CDK8: variants seen among roughly 807,000 people sequenced by gnomAD.
CDK8 encodes cyclin-dependent kinase 8.
A neutral mutation model predicts 71.5 loss-of-function variants in CDK8; 29 were observed. The observed-to-expected ratio is 0.41, with a 90% CI of 0.30 to 0.55. The LOEUF is 0.55. CDK8 is among the 20% of genes least tolerant of loss of function. CDK8 has a pLI of 0.37. For missense variants in CDK8, 288 were observed against 572.6 expected (o/e 0.50, Z 5.07); for synonymous variants, 161 against 192.1 (o/e 0.84, Z 1.34).
intron 1 of CDK8, among the ~76,000 whole-genome samples, chr13:26,309,947 G>C (rs1874211317): frequency 6.6e-6 from 1 of 152,060 alleles, no homozygotes; most frequent in Non-Finnish European, 1.5e-5. Flanking sequence ...GTAGAGATGG[G>C]GTTTCACCAT....
At chr13:26,326,410 T>C (rs755465445) in intron 1 of CDK8, among the ~76,000 whole-genome samples, 1 of 152,202 alleles carries the variant, frequency 6.6e-6, no homozygotes, top group Non-Finnish European at 1.5e-5. Context: ...CAAGTGCCTG[T>C]TAACAATTCA....
intron 1 of CDK8, among the ~76,000 whole-genome samples, chr13:26,318,045 A>G (rs1237098468): frequency 6.6e-6 from 1 of 152,058 alleles, no homozygotes; most frequent in Non-Finnish European, 1.5e-5. Context: ...AGGTGGACTA[A>G]GAAAAAAAAA....
chr13:26,361,822 G>C (rs1311719302), intron 4 of CDK8, among the ~76,000 whole-genome samples: 1 of 101,240 alleles, frequency 9.9e-6, no homozygotes, highest in African/African-American at 4.6e-5. Context: ...TTGAGACAGG[G>C]TGTCACTGTG....
chr13:26,259,545 A>G (rs1478770383), intron 1 of CDK8, among the ~76,000 whole-genome samples: 1 of 152,132 alleles, frequency 6.6e-6, no homozygotes, highest in East Asian at 1.9e-4. Context: ...CCTGGAACGC[A>G]CCCCTTGTGG....
intron 12 of CDK8, among the ~76,000 whole-genome samples, chr13:26,402,270 G>C (rs1041783711): frequency 6.6e-6 from 1 of 152,150 alleles, no homozygotes; most frequent in East Asian, 1.9e-4. Context: ...ACTCATATTT[G>C]ATCTGACCAC....
At chr13:26,304,768 C>T (rs570485491) in intron 1 of CDK8, among the ~76,000 whole-genome samples, 1 of 152,030 alleles carries the variant, frequency 6.6e-6, no homozygotes, top group African/African-American at 2.4e-5. Flanking sequence ...TCCCAAGTAG[C>T]TGGGACTACA....
In CDK8 at chr13:26,254,585, C is replaced by G. The variant is rs1871429112; in HGVS notation, c.-57C>G. The G allele has an allele frequency of 2.3e-3, 2,358 of 1,046,158 alleles. No homozygotes were observed. The highest frequency in any genetic ancestry group is 3.0e-3 in the Non-Finnish European group (2,119 of 713,228). The allele number at this position is 1,046,158 out of a possible 1,614,324, so 64.8% of individuals were successfully genotyped here. A position where few individuals can be genotyped will look rare whatever the true frequency, so the allele number is the denominator to read the frequency against. On this transcript the variant is annotated 5_prime_UTR_variant, in exon 1 of 13. Transcript: ENST00000381527. This position sits in a 1 kb window ranked among gnomAD's most constrained non-coding sequence, Gnocchi z 6.7. ...CTGCGGCTGCCCGTGCTTCCCCGGT[C>G]CCCACCCCTGCCCCCCGGCCCCCCG...
At chr13:26,362,245 T>G (rs1874180875) in intron 4 of CDK8, among the ~76,000 whole-genome samples, 2 of 151,574 alleles carry the variant, frequency 1.3e-5, no homozygotes, top group African/African-American at 4.9e-5. Context: ...GATGGATGGA[T>G]GGATGGATGG....
At chr13:26,374,510 A>G (rs1392486107) in intron 4 of CDK8, among the ~76,000 whole-genome samples, 1 of 152,184 alleles carries the variant, frequency 6.6e-6, no homozygotes, top group South Asian at 2.1e-4. Flanking sequence ...TAAAAGCTCT[A>G]TAAAAACACT....
In CDK8 at chr13:26,401,707, G is replaced by A. The variant is rs908927808; in HGVS notation, c.1269+83G>A. On this transcript the variant is annotated intron_variant, in intron 12 of 12. Transcript: ENST00000381527. The surrounding 1 kb of genome is among the most constrained non-coding windows in gnomAD (Gnocchi z 4.5). Reference sequence around the variant, plus strand: ...TCGTGGGAAAATGTGATTTAATTGAGAAATACTGACGTCTGTATACCCAGG... The same window carrying A: ...TCGTGGGAAAATGTGATTTAATTGAAAAATACTGACGTCTGTATACCCAGG... The A allele has an allele frequency of 7.9e-6, 11 of 1,388,894 alleles. No homozygotes were observed. The African/African-American group carries it at 1.6e-4, about 20-fold the overall frequency. 86.0% of individuals were successfully genotyped at this position (1,388,894 alleles called of 1,614,324 possible).
chr13:26,322,580 G>A (rs1593262958), intron 1 of CDK8, among the ~76,000 whole-genome samples: 1 of 152,170 alleles, frequency 6.6e-6, no homozygotes. Context: ...TTTAATTCAC[G>A]AGAAACACTC....
chr13:26,359,097 A>G, intron 4 of CDK8: 1 of 228,982 alleles, frequency 4.4e-6, no homozygotes, highest in South Asian at 4.9e-5. Context: ...CCTTGAGGAC[A>G]TTATACTAAG....
chr13:26,286,164 GAAGTTC>G (rs1277557140), intron 1 of CDK8, among the ~76,000 whole-genome samples: 15 of 152,038 alleles, frequency 9.9e-5, no homozygotes, highest in African/African-American at 3.6e-4. Context: ...AAACAATCCT[GAAGTTC>G]ATATGGAACC....
chr13:26,348,070 A>AT (rs1394326629), intron 2 of CDK8, among the ~76,000 whole-genome samples: 10 of 151,988 alleles, frequency 6.6e-5, no homozygotes, highest in Admixed American at 6.6e-4. Context: ...ACAAAATGTG[A>AT]TATCTATATA....
chr13:26,362,710 C>T (rs997286232), intron 4 of CDK8, among the ~76,000 whole-genome samples: 5 of 152,070 alleles, frequency 3.3e-5, no homozygotes, highest in African/African-American at 1.2e-4. Flanking sequence ...ACACCTTCAC[C>T]GAAATACCCA....
intron 2 of CDK8, among the ~76,000 whole-genome samples, chr13:26,338,297 C>A (rs1593273112): frequency 6.6e-6 from 1 of 152,162 alleles, no homozygotes; most frequent in South Asian, 2.1e-4. Flanking sequence ...ATATTATAAT[C>A]TTTGCTTTTG....
At chr13:26,362,882 TATC>T (rs1874211045) in intron 4 of CDK8, among the ~76,000 whole-genome samples, 1 of 152,196 alleles carries the variant, frequency 6.6e-6, no homozygotes, top group Non-Finnish European at 1.5e-5. Context: ...TTAATGATTT[TATC>T]ATAGTAGTAG....
chr13:26,295,098 C>T (rs1014822885), intron 1 of CDK8, among the ~76,000 whole-genome samples: 1 of 152,074 alleles, frequency 6.6e-6, no homozygotes, highest in African/African-American at 2.4e-5. Context: ...TTCTTCCAAG[C>T]TATTTTGGTC....
At chr13:26,363,267 G>A (rs1359024075) in intron 4 of CDK8, among the ~76,000 whole-genome samples, 5 of 123,148 alleles carry the variant, frequency 4.1e-5, no homozygotes, top group African/African-American at 1.2e-4. Flanking sequence ...GGTGGAGCTG[G>A]CAGTGAGCCG....
Sources: gnomAD v4.1 joint callset for allele counts (sites outside exome capture counted in the v4.1 genomes callset) on GRCh38, gnomAD v4.1.1 for gene constraint, Gnocchi (gnomAD v3.1) non-coding constraint, MANE v1.5 for transcripts, NCBI Gene and HGNC (gene_info 2026-07-23, HGNC 2026-07-21) for gene names.